The following CTNNA3 variants were observed in gnomAD, a reference collection of about 807,000 sequenced individuals.
The protein encoded by CTNNA3 is catenin alpha-3.
A neutral mutation model predicts 95.7 loss-of-function variants in CTNNA3; 76 were observed. The ratio of observed to expected loss-of-function variants is 0.79; its 90% CI spans 0.66 to 0.96. CTNNA3 has a LOEUF of 0.96. CTNNA3 is among the 40% of genes least tolerant of loss of function. The pLI is 0.00. For missense variants in CTNNA3, 1,191 were observed against 1,089.8 expected (o/e 1.09, Z -1.31); for synonymous variants, 431 against 374.4 (o/e 1.15, Z -1.74).
chr10:66,272,112 A>G (rs1320127439), intron 13 of CTNNA3, among the ~76,000 whole-genome samples: 2 of 152,148 alleles, frequency 1.3e-5, no homozygotes, highest in Non-Finnish European at 2.9e-5. Context: ...CTAAGGTTTG[A>G]TTTAAATTTG....
intron 5 of CTNNA3, among the ~76,000 whole-genome samples, chr10:67,410,658 A>G (rs1179280235): frequency 2.0e-5 from 3 of 151,810 alleles, no homozygotes; most frequent in Non-Finnish European, 4.4e-5. Flanking sequence ...CCACAGAAAT[A>G]AAGCTACCAT....
intron 7 of CTNNA3, among the ~76,000 whole-genome samples, chr10:66,873,650 G>C (rs540363989): frequency 6.6e-6 from 1 of 152,156 alleles, no homozygotes; most frequent in South Asian, 2.1e-4. Context: ...ACAAAAATAA[G>C]CAAAGGAGAA....
Position 65,970,827 on chromosome 10 carries a change from T to A in CTNNA3, c.2266-4081A>T, listed in dbSNP as rs1207839004. ...GTTGAATTCAACAAAAAGTCTTAAC[T>A]ATCCTAAATATGTATGTACCCAACA... On this transcript the variant is annotated intron_variant, in intron 16 of 17. Transcript: ENST00000433211. 2.6e-5 allele frequency among the ~76,000 whole-genome samples: 4 copies of A among 151,126 alleles called. No individual in the cohort carries two copies. In the East Asian group the frequency reaches 7.7e-4, roughly 29 times the overall value.
At chr10:67,575,448 A>G (rs1276309938) in intron 3 of CTNNA3, among the ~76,000 whole-genome samples, 1 of 152,078 alleles carries the variant, frequency 6.6e-6, no homozygotes, top group South Asian at 2.1e-4. Flanking sequence ...CTCTGGGGCC[A>G]TACTCCCCAG....
intron 11 of CTNNA3, among the ~76,000 whole-genome samples, chr10:66,458,991 A>G (rs947089182): frequency 5.9e-5 from 9 of 152,056 alleles, no homozygotes; most frequent in Non-Finnish European, 1.2e-4. Context: ...TTATATGCAG[A>G]TATTTTCAAT....
chr10:67,655,480 A>T (rs1040544006), intron 1 of CTNNA3, among the ~76,000 whole-genome samples: 3 of 152,310 alleles, frequency 2.0e-5, no homozygotes, highest in Non-Finnish European at 2.9e-5. Context: ...TATTTTAAAA[A>T]TTTTCATTAA....
At chr10:67,572,031 A>G (rs954671679) in intron 3 of CTNNA3, among the ~76,000 whole-genome samples, 1 of 152,228 alleles carries the variant, frequency 6.6e-6, no homozygotes, top group African/African-American at 2.4e-5. Context: ...GGTAAAATAC[A>G]TAATGGATTT....
At chr10:67,121,433 G>A (rs1248948429) in intron 7 of CTNNA3, among the ~76,000 whole-genome samples, 1 of 152,014 alleles carries the variant, frequency 6.6e-6, no homozygotes, top group Non-Finnish European at 1.5e-5. Flanking sequence ...CAGTGCATGG[G>A]TGAGACAATG....
At chr10:67,036,941 G>A (rs1778047612) in intron 7 of CTNNA3, among the ~76,000 whole-genome samples, 1 of 152,146 alleles carries the variant, frequency 6.6e-6, no homozygotes, top group African/African-American at 2.4e-5. Flanking sequence ...TAAATAGGAG[G>A]AAATGATACT....
At chr10:66,406,990 T>G (rs1028136278) in intron 11 of CTNNA3, among the ~76,000 whole-genome samples, 1 of 152,150 alleles carries the variant, frequency 6.6e-6, no homozygotes, top group African/African-American at 2.4e-5. Flanking sequence ...TACATAGAAC[T>G]AATTAATTTA....
chr10:67,025,698 A>G (rs538836422), intron 7 of CTNNA3, among the ~76,000 whole-genome samples: 1 of 152,302 alleles, frequency 6.6e-6, no homozygotes, highest in Admixed American at 6.5e-5. Context: ...AACAACAACA[A>G]GTATTGTTCT....
intron 5 of CTNNA3, among the ~76,000 whole-genome samples, chr10:67,509,516 T>A (rs531899690): frequency 6.6e-5 from 10 of 152,186 alleles, no homozygotes; most frequent in Non-Finnish European, 1.3e-4. Flanking sequence ...GCAAAGGACA[T>A]GAACTCATCC....
chr10:66,252,737 T>A (rs1214443194), intron 13 of CTNNA3, among the ~76,000 whole-genome samples: 1 of 152,134 alleles, frequency 6.6e-6, no homozygotes, highest in Non-Finnish European at 1.5e-5. Flanking sequence ...AATTACTGAG[T>A]GTCAAGAGGT....
intron 8 of CTNNA3, among the ~76,000 whole-genome samples, chr10:66,773,617 G>A (rs981173444): frequency 1.3e-5 from 2 of 152,158 alleles, no homozygotes; most frequent in South Asian, 2.1e-4. Context: ...CCCCGCTGAC[G>A]CCCAGCCAAC....
rs377211097 is a variant in CTNNA3 at position 67,397,687 on chromosome 10, C to T, written c.579+124155G>A. 5.9e-5 allele frequency among the ~76,000 whole-genome samples: 9 copies of T among 152,286 alleles called. 1 individual carries two copies. The South Asian group carries it at 1.9e-3, about 32-fold the overall frequency. On this transcript the variant is annotated intron_variant, in intron 5 of 17. Coordinates refer to ENST00000433211, the MANE Select transcript of CTNNA3 (RefSeq NM_013266.4). ...CCATGTCAGAGACCATCACAGCAGC[C>T]CCTCCCATTACAGGCATAGAGGCCT...
chr10:67,495,676 T>G (rs1320552901), intron 5 of CTNNA3, among the ~76,000 whole-genome samples: 1 of 152,194 alleles, frequency 6.6e-6, no homozygotes, highest in Non-Finnish European at 1.5e-5. Context: ...TATAACAACT[T>G]GGTTATGCCT....
Position 65,984,290 on chromosome 10 carries a change from G to A in CTNNA3, c.2265+4402C>T, listed in dbSNP as rs961415458. On this transcript the variant is annotated intron_variant, in intron 16 of 17. Coordinates refer to ENST00000433211, the MANE Select transcript of CTNNA3 (RefSeq NM_013266.4). Reference sequence around the variant, plus strand: ...TAATCAATTTCAGATATTATTTTCTGCCTAAAATGTCTTAATCTATCCAAT... The same window carrying A: ...TAATCAATTTCAGATATTATTTTCTACCTAAAATGTCTTAATCTATCCAAT... Among the ~76,000 whole-genome samples the A allele has an allele frequency of 1.4e-4, 21 of 151,000 alleles. 1 individual carries two copies. The South Asian group carries it at 4.2e-3, about 30-fold the overall frequency.
intron 10 of CTNNA3, among the ~76,000 whole-genome samples, chr10:66,539,978 C>T (rs969929383): frequency 3.3e-5 from 5 of 151,968 alleles, no homozygotes; most frequent in South Asian, 2.1e-4. Flanking sequence ...TGTTGTCTTC[C>T]CTCCCTAACT....
At chr10:65,982,683 A>ATG in intron 16 of CTNNA3, among the ~76,000 whole-genome samples, 1 of 149,128 alleles carries the variant, frequency 6.7e-6, no homozygotes, top group South Asian at 2.1e-4. Flanking sequence ...GTGTGTGTGT[A>ATG]TGTATATATA....
Sources: allele counts gnomAD v4.1 joint callset (sites outside exome capture counted in the v4.1 genomes callset), GRCh38; gene constraint gnomAD v4.1.1; transcripts MANE v1.5; gene names NCBI Gene and HGNC (gene_info 2026-07-23, HGNC 2026-07-21).